The following STXBP6 variants were observed in gnomAD, a reference collection of about 807,000 sequenced individuals.
STXBP6 encodes the protein syntaxin-binding protein 6.
A neutral mutation model predicts 26.9 loss-of-function variants in STXBP6; 21 were observed. That is an observed-to-expected ratio of 0.78 (90% CI 0.55 to 1.12). The LOEUF is 1.12. Ranked by LOEUF, STXBP6 falls within the 50% of genes most tolerant of loss-of-function variation. The pLI is 0.00. For missense variants in STXBP6, 232 were observed against 257.9 expected, an observed-to-expected ratio of 0.90 and a Z score of 0.69; for synonymous variants, 97 against 92.6, an observed-to-expected ratio of 1.05 and a Z score of -0.27.
At chr14:24,899,335 A>G (rs2071116847) in intron 2 of STXBP6, among the ~76,000 whole-genome samples, 1 of 152,232 alleles carries the variant, frequency 6.6e-6, no homozygotes, top group Non-Finnish European at 1.5e-5. Flanking sequence ...AAATTACCAC[A>G]GACATTACAG....
At chr14:25,019,188 G>A (rs1019355200) in intron 1 of STXBP6, among the ~76,000 whole-genome samples, 2 of 152,176 alleles carry the variant, frequency 1.3e-5, no homozygotes, top group Non-Finnish European at 2.9e-5. Context: ...GAAACTTTAT[G>A]TTCTTACTAG....
intron 1 of STXBP6, among the ~76,000 whole-genome samples, chr14:25,043,723 T>A (rs1193326382): frequency 6.6e-6 from 1 of 152,240 alleles, no homozygotes; most frequent in African/African-American, 2.4e-5. Flanking sequence ...TCTGGCTTCT[T>A]TCACATAGCA....
At chr14:24,871,093 T>C (rs1195021060) in intron 2 of STXBP6, among the ~76,000 whole-genome samples, 2 of 151,810 alleles carry the variant, frequency 1.3e-5, no homozygotes, top group African/African-American at 2.4e-5. Context: ...ACCACGCCAA[T>C]ATTTTGCATC....
intron 2 of STXBP6, among the ~76,000 whole-genome samples, chr14:24,881,441 TA>T (rs1417415661): frequency 1.7e-4 from 26 of 152,316 alleles, no homozygotes; most frequent in African/African-American, 6.0e-4. Flanking sequence ...AAAAGGCATT[TA>T]AACTGTATAG....
At chr14:24,843,593 A>G (rs1019324769) in intron 4 of STXBP6, among the ~76,000 whole-genome samples, 5 of 152,214 alleles carry the variant, frequency 3.3e-5, no homozygotes, top group African/African-American at 1.2e-4. Flanking sequence ...CAGGGCAAGC[A>G]TTAGTATTCT....
intron 4 of STXBP6, among the ~76,000 whole-genome samples, chr14:24,832,394 T>C (rs1223326649): frequency 6.6e-6 from 1 of 152,212 alleles, no homozygotes; most frequent in African/African-American, 2.4e-5. Flanking sequence ...CCTCACCTCA[T>C]AGACAGATTG....
chr14:24,829,508 A>G (rs571659005), intron 4 of STXBP6, among the ~76,000 whole-genome samples: 1 of 152,320 alleles, frequency 6.6e-6, no homozygotes, highest in East Asian at 1.9e-4. Context: ...ATCAGTGTCC[A>G]AGGAATATAA....
chr14:24,870,492 C>T (rs1455145567), intron 2 of STXBP6, among the ~76,000 whole-genome samples: 2 of 152,114 alleles, frequency 1.3e-5, no homozygotes, highest in East Asian at 1.9e-4. Flanking sequence ...TATCTCAAGA[C>T]GTTTATTCTC....
intron 2 of STXBP6, among the ~76,000 whole-genome samples, chr14:24,873,806 G>A (rs538231003): frequency 6.6e-6 from 1 of 152,310 alleles, no homozygotes; most frequent in South Asian, 2.1e-4. Context: ...CGGGAACAAT[G>A]AGGGTGTAGG....
intron 2 of STXBP6, among the ~76,000 whole-genome samples, chr14:24,950,627 C>A (rs1006449125): frequency 2.2e-4 from 33 of 151,808 alleles, no homozygotes; most frequent in Admixed American, 2.2e-3. Context: ...ATTAAATAGG[C>A]AAATCTAAAC....
At chr14:24,901,312 G>A (rs935264219) in intron 2 of STXBP6, among the ~76,000 whole-genome samples, 1 of 151,828 alleles carries the variant, frequency 6.6e-6, no homozygotes, top group South Asian at 2.1e-4. Flanking sequence ...AAAAATAAAT[G>A]AGTGGATTTC....
chr14:24,997,160 C>T (rs1404178571), intron 1 of STXBP6, among the ~76,000 whole-genome samples: 1 of 152,108 alleles, frequency 6.6e-6, no homozygotes, highest in Non-Finnish European at 1.5e-5. Flanking sequence ...GACTCACAGG[C>T]CAGAATCCTG....
chr14:25,030,627 A>G (rs1245875368), intron 1 of STXBP6, among the ~76,000 whole-genome samples: 1 of 152,190 alleles, frequency 6.6e-6, no homozygotes, highest in Admixed American at 6.5e-5. Context: ...TTGGTAGCTC[A>G]CAGATCACCA....
intron 2 of STXBP6, among the ~76,000 whole-genome samples, chr14:24,917,979 T>C (rs1035831054): frequency 2.0e-5 from 3 of 152,044 alleles, no homozygotes; most frequent in African/African-American, 7.2e-5. Flanking sequence ...TGTTTTTTTA[T>C]ACTTATGCAA....
intron 2 of STXBP6, among the ~76,000 whole-genome samples, chr14:24,894,511 T>TTGGGGGAGAAC (rs2070910863): frequency 6.6e-6 from 1 of 151,998 alleles, no homozygotes; most frequent in Non-Finnish European, 1.5e-5. Context: ...CCAGGAAAGG[T>TTGGGGGAGAAC]CAGTGTCCCC....
At chr14:24,917,562 AAAG>A (rs1334484073) in intron 2 of STXBP6, among the ~76,000 whole-genome samples, 1 of 152,122 alleles carries the variant, frequency 6.6e-6, no homozygotes, top group African/African-American at 2.4e-5. Flanking sequence ...ATGCAAAAAG[AAAG>A]AAGCTGGACA....
In STXBP6 at chr14:24,892,327, T is replaced by C. The variant is rs529952036; in HGVS notation, c.155-35170A>G. On this transcript the variant is annotated intron_variant, in intron 2 of 5. Coordinates refer to ENST00000323944, the MANE Select transcript of STXBP6 (RefSeq NM_001394410.1). ...GAAAGAAAAATATTCTAGGTGCAAA[T>C]TCTGATTTTAGGTGGAAGTATTTAT... 5.3e-5 allele frequency among the ~76,000 whole-genome samples: 8 copies of C among 152,080 alleles called. No homozygotes were observed. The East Asian group carries it at 1.4e-3, about 26-fold the overall frequency.
chr14:24,862,859 T>C (rs1382718115), intron 2 of STXBP6, among the ~76,000 whole-genome samples: 3 of 152,138 alleles, frequency 2.0e-5, no homozygotes, highest in African/African-American at 4.8e-5. Context: ...ATGCAAATAA[T>C]AGAGCAAGTG....
Position 24,898,353 on chromosome 14 carries a change from T to A in STXBP6, c.155-41196A>T, listed in dbSNP as rs1204017675. On this transcript the variant is annotated intron_variant, in intron 2 of 5. Coordinates refer to ENST00000323944, the MANE Select transcript of STXBP6 (RefSeq NM_001394410.1). ...ATTACTGAACCTTACTGAACCTCAC[T>A]GAACCACATGCTTTTTTAACAGAGT... Among the ~76,000 whole-genome samples the A allele has an allele frequency of 2.6e-5, 4 of 152,214 alleles. No homozygotes were observed. In the East Asian group the frequency reaches 7.7e-4, roughly 29 times the overall value.
Sources: allele counts gnomAD v4.1 joint callset (sites outside exome capture counted in the v4.1 genomes callset), GRCh38; gene constraint gnomAD v4.1.1; transcripts MANE v1.5; gene names NCBI Gene and HGNC (gene_info 2026-07-23, HGNC 2026-07-21).